The following PALLD variants were observed in gnomAD, a reference collection of about 807,000 sequenced individuals.
PALLD encodes palladin, cytoskeletal associated protein.
In PALLD, 61 loss-of-function variants were observed where a neutral mutation model predicts 123.5. The observed-to-expected ratio is 0.49, with a 90% confidence interval of 0.40 to 0.61. The LOEUF (loss-of-function observed/expected upper bound fraction) is 0.61, where lower values mean the gene tolerates loss of function less well. PALLD is among the 20% of genes least tolerant of loss of function. The pLI is 0.00. For missense variants in PALLD, 1,273 were observed against 1,377.0 expected, an observed-to-expected ratio of 0.92 and a Z score of 1.20; for synonymous variants, 465 against 496.4, an observed-to-expected ratio of 0.94 and a Z score of 0.84.
intron 10 of PALLD, among the ~76,000 whole-genome samples, chr4:168,727,389 T>C (rs188879919): frequency 6.6e-6 from 1 of 152,178 alleles, no homozygotes; most frequent in African/African-American, 2.4e-5. Flanking sequence ...CCAGCATCTG[T>C]TGTTTTTTGA....
At chr4:168,822,157 A>G (rs1391270778) in intron 10 of PALLD, among the ~76,000 whole-genome samples, 1 of 152,168 alleles carries the variant, frequency 6.6e-6, no homozygotes, top group Non-Finnish European at 1.5e-5. Flanking sequence ...AAGAGGACTC[A>G]GGACCTGATG....
At chr4:168,731,348 T>G (rs1192537025) in intron 10 of PALLD, among the ~76,000 whole-genome samples, 2 of 152,202 alleles carry the variant, frequency 1.3e-5, no homozygotes, top group Admixed American at 6.5e-5. Flanking sequence ...GATGATTCTT[T>G]CCAGCTAAAG....
At chr4:168,918,360 G>A (rs1032287378) in intron 17 of PALLD, among the ~76,000 whole-genome samples, 31 of 150,428 alleles carry the variant, frequency 2.1e-4, no homozygotes, top group African/African-American at 7.5e-4. Flanking sequence ...ACACACAGTG[G>A]AAAATTATAA....
chr4:168,670,990 C>T (rs1023775207), intron 3 of PALLD, among the ~76,000 whole-genome samples: 1 of 148,862 alleles, frequency 6.7e-6, no homozygotes, highest in Non-Finnish European at 1.5e-5. Context: ...TGCACTCCAG[C>T]CTGGGCAACA....
intron 2 of PALLD, among the ~76,000 whole-genome samples, chr4:168,658,302 T>TTTTG (rs1778800660): frequency 6.7e-6 from 1 of 149,936 alleles, no homozygotes; most frequent in African/African-American, 2.5e-5. Context: ...TTTTTTTTTT[T>TTTTG]GTGATGAGAT....
At chr4:168,912,979 C>T (rs1759306242) in intron 15 of PALLD, among the ~76,000 whole-genome samples, 1 of 152,052 alleles carries the variant, frequency 6.6e-6, no homozygotes, top group Non-Finnish European at 1.5e-5. Context: ...AGGTATTTAA[C>T]TGCTTCTAGT....
At chr4:168,767,565 G>A (rs978384533) in intron 10 of PALLD, among the ~76,000 whole-genome samples, 28 of 125,252 alleles carry the variant, frequency 2.2e-4, no homozygotes, top group South Asian at 2.4e-4. Context: ...TTTTTTTTCC[G>A]AGACAGAGTT....
chr4:168,831,342 A>C (rs1744171332), intron 10 of PALLD, among the ~76,000 whole-genome samples: 1 of 152,144 alleles, frequency 6.6e-6, no homozygotes, highest in East Asian at 1.9e-4. Context: ...GTAGTTTATG[A>C]GCTAAGAGGA....
rs1237061334 is a variant in PALLD at position 168,922,136 on chromosome 4, C to G, written c.3058+395C>G. On this transcript the variant is annotated intron_variant, in intron 18 of 21. Coordinates refer to ENST00000505667, the MANE Select transcript of PALLD (RefSeq NM_001166108.2). The stretch of plus-strand genomic sequence containing the variant: ...ACACACACACACACACACACACACA[C>G]ACACACACCTGGTTTTTAAAACAAC... 6.8e-5 allele frequency among the ~76,000 whole-genome samples: 8 copies of G among 116,946 alleles called. No homozygotes were observed. In the East Asian group the frequency reaches 2.6e-3, roughly 38 times the overall value. The allele number at this position is 116,946 out of a possible 152,430, so 76.7% of individuals were successfully genotyped here.
intron 10 of PALLD, among the ~76,000 whole-genome samples, chr4:168,822,012 T>C (rs1742794942): frequency 3.3e-5 from 5 of 151,888 alleles, no homozygotes. Flanking sequence ...TGCCAGGCCA[T>C]GGTGGGCTGG....
chr4:168,868,680 G>A (rs1050271123), intron 10 of PALLD, among the ~76,000 whole-genome samples: 9 of 152,174 alleles, frequency 5.9e-5, no homozygotes, highest in Admixed American at 1.3e-4. Context: ...CACTCAATGC[G>A]GCCTTGTTAG....
chr4:168,746,267 G>A (rs1730277961), intron 10 of PALLD, among the ~76,000 whole-genome samples: 1 of 151,210 alleles, frequency 6.6e-6, no homozygotes, highest in African/African-American at 2.4e-5. Context: ...GGACTTGACA[G>A]CTACTCAGGA....
At chr4:168,577,416 A>G (rs571144771) in intron 2 of PALLD, among the ~76,000 whole-genome samples, 1 of 152,288 alleles carries the variant, frequency 6.6e-6, no homozygotes, top group Non-Finnish European at 1.5e-5. Context: ...TTAACAGTAG[A>G]TAAACTATGA....
intron 2 of PALLD, among the ~76,000 whole-genome samples, chr4:168,592,010 T>C (rs1771481752): frequency 6.9e-6 from 1 of 145,622 alleles, no homozygotes; most frequent in Admixed American, 7.1e-5. Context: ...CTCTTAGTAC[T>C]ATTATGGATT....
In PALLD at chr4:168,898,801, G is replaced by A. The variant is rs182831552; in HGVS notation, c.2472+87G>A. ...ACATAGCATGCCAGTAGGAGAAAGA[G>A]ATACAAATGATCTTTCTCAATACCC... On this transcript the variant is annotated intron_variant, in intron 14 of 21. Transcript: ENST00000505667. 2.0e-5 allele frequency: 17 copies of A among 844,806 alleles called. No homozygotes were observed. In the East Asian group the frequency reaches 4.1e-4, roughly 20 times the overall value. The allele number at this position is 844,806 out of a possible 1,614,324, so 52.3% of individuals were successfully genotyped here. A position where few individuals can be genotyped will look rare whatever the true frequency, so the allele number is the denominator to read the frequency against.
At chr4:168,530,032 C>G (rs1228591446) in intron 2 of PALLD, among the ~76,000 whole-genome samples, 1 of 152,096 alleles carries the variant, frequency 6.6e-6, no homozygotes, top group Admixed American at 6.5e-5. Context: ...ATTACTATGG[C>G]CCTCGGGTTC....
intron 15 of PALLD, among the ~76,000 whole-genome samples, chr4:168,909,655 AAATT>A (rs1758499130): frequency 6.6e-6 from 1 of 152,204 alleles, no homozygotes; most frequent in African/African-American, 2.4e-5. Flanking sequence ...AGAAATGAGA[AAATT>A]AATAAAAGCA....
At chr4:168,753,835 C>G (rs1476264840) in intron 10 of PALLD, among the ~76,000 whole-genome samples, 2 of 152,174 alleles carry the variant, frequency 1.3e-5, no homozygotes, top group African/African-American at 4.8e-5. Flanking sequence ...AACATCCTGA[C>G]TGCAAACTCA....
chr4:168,524,891 C>T (rs1015018670), intron 2 of PALLD, among the ~76,000 whole-genome samples: 3 of 152,182 alleles, frequency 2.0e-5, no homozygotes, highest in African/African-American at 7.2e-5. Flanking sequence ...TTACTCTTAG[C>T]AACAACCTTC....
Sources: gnomAD v4.1 joint callset for allele counts (sites outside exome capture counted in the v4.1 genomes callset) on GRCh38, gnomAD v4.1.1 for gene constraint, MANE v1.5 for transcripts, NCBI Gene and HGNC (gene_info 2026-07-23, HGNC 2026-07-21) for gene names.